Variants in VIPR2 observed in about 807,000 individuals in gnomAD.
The protein encoded by VIPR2 is vasoactive intestinal peptide receptor 2.
Under a neutral mutation model 58.0 loss-of-function variants are expected in VIPR2, and 48 were observed. That is an observed-to-expected ratio of 0.83 (90% CI 0.66 to 1.05). The LOEUF is 1.05. Ranked by LOEUF, VIPR2 falls within the 50% of genes least tolerant of loss-of-function variation. VIPR2 has a pLI of 0.00. For missense variants in VIPR2, 534 were observed against 558.0 expected (o/e 0.96, Z 0.43); for synonymous variants, 243 against 235.2 (o/e 1.03, Z -0.30).
intron 3 of VIPR2, among the ~76,000 whole-genome samples, chr7:159,107,393 C>T (rs1315207794): frequency 1.3e-5 from 2 of 152,202 alleles, no homozygotes; most frequent in Admixed American, 6.5e-5. Context: ...AGGCTGTCCT[C>T]CCAGTGATGA....
chr7:159,036,956 C>T (rs1358876873), intron 6 of VIPR2, 54 bp from the exon 7 acceptor site: 2 of 1,574,586 alleles, frequency 1.3e-6, no homozygotes, highest in South Asian at 2.3e-5. Context: ...GTAACAGCAG[C>T]TACCAGCAGG....
chr7:159,102,974 T>A (rs891681585), intron 4 of VIPR2, among the ~76,000 whole-genome samples: 21 of 152,176 alleles, frequency 1.4e-4, no homozygotes, highest in African/African-American at 5.1e-4. Flanking sequence ...CCGGCAAGGA[T>A]GGAGGTCTGT....
chr7:159,113,811 T>C (rs1486030570), intron 2 of VIPR2, among the ~76,000 whole-genome samples: 8 of 152,174 alleles, frequency 5.3e-5, no homozygotes, highest in Non-Finnish European at 1.0e-4. Context: ...GAGAGATAGA[T>C]CTTTATTCTT....
chr7:159,063,906 TTC>T (rs1855914752), intron 4 of VIPR2, among the ~76,000 whole-genome samples: 3 of 44,584 alleles, frequency 6.7e-5, no homozygotes, highest in Non-Finnish European at 9.8e-5. Flanking sequence ...GGATCTGGGG[TTC>T]CTGGAGGGAT....
intron 2 of VIPR2, among the ~76,000 whole-genome samples, chr7:159,136,726 C>T (rs1054718244): frequency 5.3e-5 from 8 of 151,916 alleles, no homozygotes; most frequent in Non-Finnish European, 1.0e-4. Context: ...GAGGAGGCCC[C>T]GACAGACAAC....
At chr7:159,047,268 A>G (rs1854715990) in intron 5 of VIPR2, among the ~76,000 whole-genome samples, 1 of 152,158 alleles carries the variant, frequency 6.6e-6, no homozygotes, top group African/African-American at 2.4e-5. Context: ...AAAAAACTAT[A>G]AAGGATCCTT....
At chr7:159,039,477 A>AAAAACAAAACAAAAC (rs534378007) in intron 6 of VIPR2, among the ~76,000 whole-genome samples, 72 of 152,282 alleles carry the variant, frequency 4.7e-4, no homozygotes, top group African/African-American at 1.6e-3. Flanking sequence ...GTCTGTGTCA[A>AAAAACAAAACAAAAC]AAAACAAAAC....
At chr7:159,070,995 C>T (rs1453193385) in intron 4 of VIPR2, among the ~76,000 whole-genome samples, 1 of 152,156 alleles carries the variant, frequency 6.6e-6, no homozygotes, top group Non-Finnish European at 1.5e-5. Flanking sequence ...GGCTTCACCA[C>T]GCAGGTCATT....
intron 2 of VIPR2, among the ~76,000 whole-genome samples, chr7:159,138,196 C>T (rs954565138): frequency 2.0e-5 from 3 of 152,160 alleles, no homozygotes; most frequent in South Asian, 2.1e-4. Flanking sequence ...TTGGACCCTC[C>T]GAGGAGGGTC....
intron 2 of VIPR2, among the ~76,000 whole-genome samples, chr7:159,140,330 T>TGCCTCA (rs955945780): frequency 1.3e-5 from 2 of 152,226 alleles, no homozygotes; most frequent in African/African-American, 4.8e-5. Flanking sequence ...ATCAGACGCC[T>TGCCTCA]GCCTCAGCCT....
chr7:159,112,254 A>G (rs1384101139), intron 2 of VIPR2, among the ~76,000 whole-genome samples: 1 of 152,142 alleles, frequency 6.6e-6, no homozygotes, highest in African/African-American at 2.4e-5. Context: ...CCTTTATTGG[A>G]CCGCACGTGA....
intron 4 of VIPR2, among the ~76,000 whole-genome samples, chr7:159,085,792 A>T (rs963117234): frequency 6.6e-6 from 1 of 152,034 alleles, no homozygotes; most frequent in African/African-American, 2.4e-5. Context: ...AACCCAAGAC[A>T]TTCTGGAAAG....
Position 159,099,227 on chromosome 7 carries a change from T to C in VIPR2, c.357+4530A>G, listed in dbSNP as rs1353424786. Among the ~76,000 whole-genome samples the C allele has an allele frequency of 2.6e-5, 4 of 152,264 alleles. No individual in the cohort carries two copies. Among genetic ancestry groups the C allele is most frequent in the South Asian group, 2.1e-4 (1 of 4,828 alleles). ...TCCCTTAGCAGTGAATATGCACTTATAATATTTGCAGAATCTCTGAAATGT... is the reference window on the plus strand; with the variant it reads ...TCCCTTAGCAGTGAATATGCACTTACAATATTTGCAGAATCTCTGAAATGT... On this transcript the variant is annotated intron_variant, in intron 4 of 12. Transcript: ENST00000262178. The surrounding 1 kb of genome is among the most constrained non-coding windows in gnomAD (Gnocchi z 4.2).
chr7:159,073,574 C>T (rs1044457436), intron 4 of VIPR2, among the ~76,000 whole-genome samples: 1 of 152,130 alleles, frequency 6.6e-6, no homozygotes, highest in African/African-American at 2.4e-5. Context: ...TGTGCCACCC[C>T]ACCTGGCTAA....
rs1797623865 is a variant in VIPR2, at chr7:159,144,765, T to C, written c.7A>G (p.Thr3Ala). Residue 3 changes from threonine to alanine, a missense_variant, in exon 1 of 13, where the codon ACG becomes GCG. Physicochemically the swap from Thr to Ala is moderately conservative, Grantham distance 58. This residue lies in a region of VIPR2 where 224 missense variants were observed against 255.7 expected (regional missense o/e 0.88). Coordinates refer to ENST00000262178, the MANE Select transcript of VIPR2 (RefSeq NM_003382.5). ...GTCAGCAGCGCGGGAGGCAGCAGCG[T>C]CCGCATCCCGAGCTCAGCGTGCCGG... MR[T>A]LLPPALLTCW... 1 of 1,258,144 alleles carries C rather than the reference T, an allele frequency of 7.9e-7. No individual in the cohort carries two copies. The highest frequency in any genetic ancestry group is 1.0e-6 in the Non-Finnish European group (1 of 1,003,276). The allele number at this position is 1,258,144 out of a possible 1,614,324, so 77.9% of individuals were successfully genotyped here. A position where few individuals can be genotyped will look rare whatever the true frequency, so the allele number is the denominator to read the frequency against.
At position 159,127,012 on chromosome 7, in the gene VIPR2, C is replaced by T. The variant is rs1796676085; in HGVS notation, c.151+15434G>A. On this transcript the variant is annotated intron_variant, in intron 2 of 12. Coordinates refer to ENST00000262178, the MANE Select transcript of VIPR2 (RefSeq NM_003382.5). The surrounding 1 kb of genome is among the most constrained non-coding windows in gnomAD (Gnocchi z 4.6). ...ACATCCCCCTGGCTGGCAAGAGTCC[C>T]CTCCTGGTCCCTAAGAGAAACAGCT... Among the ~76,000 whole-genome samples the T allele has an allele frequency of 6.6e-6, 1 of 152,178 alleles. No individual in the cohort carries two copies. Among genetic ancestry groups the T allele is most frequent in the African/African-American group, 2.4e-5 (1 of 41,444 alleles).
intron 5 of VIPR2, among the ~76,000 whole-genome samples, chr7:159,056,968 C>A (rs1162784041): frequency 6.6e-6 from 1 of 152,128 alleles, no homozygotes; most frequent in Non-Finnish European, 1.5e-5. Context: ...GTGCCACAGG[C>A]AGGTGACGAA....
chr7:159,144,659 C>A (rs1797618069), intron 1 of VIPR2, 62 bp downstream of exon 1: 1 of 1,374,778 alleles, frequency 7.3e-7, no homozygotes, highest in East Asian at 3.0e-5. Context: ...GAGGAGCGCT[C>A]TTCTCGGAAG....
rs145065100 is a variant in VIPR2 at position 159,028,793 on chromosome 7, C to T, written c.*1823G>A. 725 of 152,588 alleles carry T rather than the reference C, an allele frequency of 4.8e-3. 5 individuals are homozygous for T. The highest frequency in any genetic ancestry group is 0.017 in the African/African-American group (691 of 41,578). 9.5% of individuals were successfully genotyped at this position (152,588 alleles called of 1,614,324 possible). On this transcript the variant is annotated 3_prime_UTR_variant, in exon 13 of 13. Transcript: ENST00000262178. ...GCACCTGGCCTGGGCCGTTTACTCC[C>T]CAGTATCCGTCTGTGATGGATCCTC...
Sources: allele counts gnomAD v4.1 joint callset (sites outside exome capture counted in the v4.1 genomes callset), GRCh38; gene constraint gnomAD v4.1.1; regional missense constraint gnomAD v4.1.1; non-coding constraint Gnocchi (gnomAD v3.1); transcripts MANE v1.5; gene names NCBI Gene and HGNC (gene_info 2026-07-23, HGNC 2026-07-21).